Variants in SUMF1 observed in about 807,000 individuals in gnomAD.
SUMF1 encodes the protein formylglycine-generating enzyme.
A neutral mutation model predicts 47.6 loss-of-function variants in SUMF1; 48 were observed. The observed-to-expected ratio is 1.01, with a 90% CI of 0.80 to 1.28. The LOEUF is 1.28. Among genes scored for constraint, SUMF1 ranks in the 50% most tolerant of loss-of-function variants. The pLI, the probability that SUMF1 is intolerant of heterozygous loss-of-function variation, is 0.00. For synonymous variants in SUMF1, 230 were observed against 192.1 expected, an observed-to-expected ratio of 1.20 and a Z score of -1.63; for missense variants, 571 against 485.4, an observed-to-expected ratio of 1.18 and a Z score of -1.66.
rs868249273 is a variant in SUMF1 at position 4,303,729 on chromosome 3, G to A, written c.1014+72601C>T. 103 of 1,497,752 alleles carry A rather than the reference G, an allele frequency of 6.9e-5. 1 individual carries two copies. In the African/African-American group the frequency reaches 1.3e-3, roughly 19 times the overall value. 92.8% of individuals were successfully genotyped at this position (1,497,752 alleles called of 1,614,324 possible). A position where few individuals can be genotyped will look rare whatever the true frequency, so the allele number is the denominator to read the frequency against. On this transcript the variant is annotated intron_variant and NMD_transcript_variant, in intron 8 of 12. Transcript: ENST00000448413. ...ACGGCATCACCTTAGCAAGGGTGTT[G>A]TCCTTTTCAGTCCATTCCCTGAAGC...
chr3:4,426,695 G>A (rs1225451403), intron 3 of SUMF1, among the ~76,000 whole-genome samples: 2 of 152,238 alleles, frequency 1.3e-5, no homozygotes, highest in Non-Finnish European at 1.5e-5. Context: ...AGAAGCAGCA[G>A]CATGAGTGGA....
chr3:4,195,331 A>G (rs1695405178), intron 8 of SUMF1, among the ~76,000 whole-genome samples: 1 of 152,140 alleles, frequency 6.6e-6, no homozygotes, highest in Admixed American at 6.6e-5. Flanking sequence ...GTCATAACCA[A>G]TTCCTGTACA....
intron 8 of SUMF1, among the ~76,000 whole-genome samples, chr3:4,210,775 G>C (rs936876356): frequency 1.3e-5 from 2 of 152,040 alleles, no homozygotes; most frequent in Admixed American, 1.3e-4. Context: ...TATTGATCCT[G>C]AGTGTGTCTG....
Position 4,266,229 on chromosome 3 carries a change from G to A in SUMF1, c.1014+110101C>T, listed in dbSNP as rs546839464. Among the ~76,000 whole-genome samples, 83 of 152,218 alleles carry A rather than the reference G, an allele frequency of 5.5e-4. No individual in the cohort carries two copies. The South Asian group carries it at 6.8e-3, about 13-fold the overall frequency. ...GCCACACGGGCTCTTTTTTGGTTCCGTATGAACTTTAAAGTAGTTTTTTCC... is the reference window on the plus strand; with the variant it reads ...GCCACACGGGCTCTTTTTTGGTTCCATATGAACTTTAAAGTAGTTTTTTCC... On this transcript the variant is annotated intron_variant and NMD_transcript_variant, in intron 8 of 12. Coordinates refer to the SUMF1 transcript ENST00000448413.
chr3:4,456,825 T>C (rs2079642788), intron 1 of SUMF1, among the ~76,000 whole-genome samples: 1 of 150,074 alleles, frequency 6.7e-6, no homozygotes, highest in Admixed American at 6.7e-5. Flanking sequence ...TGTGTGTGTA[T>C]ATATACGTGT....
At chr3:4,463,171 G>A (rs987191521) in intron 1 of SUMF1, among the ~76,000 whole-genome samples, 33 of 152,200 alleles carry the variant, frequency 2.2e-4, no homozygotes, top group African/African-American at 7.2e-4. Context: ...TGCTTCCAAT[G>A]TAGAATATCA....
chr3:4,375,706 T>C (rs569551492), intron 8 of SUMF1, among the ~76,000 whole-genome samples: 1 of 152,014 alleles, frequency 6.6e-6, no homozygotes, highest in East Asian at 1.9e-4. Flanking sequence ...ACGTGAAAAA[T>C]ATATGACTCA....
chr3:4,138,300 C>T (rs1410276088), intron 8 of SUMF1, among the ~76,000 whole-genome samples: 1 of 152,112 alleles, frequency 6.6e-6, no homozygotes, highest in African/African-American at 2.4e-5. Flanking sequence ...AGAGGACTGA[C>T]CTTTCACCTC....
At chr3:4,163,148 C>T (rs1694617404) in intron 8 of SUMF1, among the ~76,000 whole-genome samples, 3 of 151,608 alleles carry the variant, frequency 2.0e-5, no homozygotes, top group South Asian at 2.1e-4. Context: ...TCTACTGCTA[C>T]ACCTAGGAAA....
chr3:4,269,078 A>G lies in SUMF1; in HGVS notation c.1014+107252T>C, dbSNP rs1167366889. ...GAACATACCTCTGGAAACACCACCC[A>G]GATCAGTGATGATCCTTGCCTCATA... is the stretch of plus-strand genomic sequence containing the variant. On this transcript the variant is annotated intron_variant and NMD_transcript_variant, in intron 8 of 12. Transcript: ENST00000448413. Among the ~76,000 whole-genome samples, 21 of 152,336 alleles carry G rather than the reference A, an allele frequency of 1.4e-4. 1 individual carries two copies. In the South Asian group the frequency reaches 4.1e-3, roughly 30 times the overall value.
At chr3:4,049,513 A>G (rs1695065570) in intron 9 of SUMF1, among the ~76,000 whole-genome samples, 1 of 152,154 alleles carries the variant, frequency 6.6e-6, no homozygotes, top group Non-Finnish European at 1.5e-5. Flanking sequence ...AACGTGAGAC[A>G]GGGATGTGAC....
intron 8 of SUMF1, among the ~76,000 whole-genome samples, chr3:4,190,445 C>A (rs1695290790): frequency 7.0e-6 from 1 of 143,296 alleles, no homozygotes; most frequent in Non-Finnish European, 1.5e-5. Context: ...GAACTTATCA[C>A]ATGGGGCATC....
At chr3:4,188,621 G>C (rs1695252421) in intron 8 of SUMF1, among the ~76,000 whole-genome samples, 2 of 152,126 alleles carry the variant, frequency 1.3e-5, no homozygotes, top group African/African-American at 2.4e-5. Flanking sequence ...GTGTAGCCTA[G>C]TGTCTAAGAG....
rs539045361 is a variant in SUMF1 at position 4,116,355 on chromosome 3, T to C, written c.1015-47610A>G. ...ATTCCCCGGGTTCTCCTCTCTTTAT[T>C]GCGCAGAATAAGCAATTTCCAGCTA... On this transcript the variant is annotated intron_variant and NMD_transcript_variant, in intron 8 of 12. Coordinates refer to the SUMF1 transcript ENST00000448413. Among the ~76,000 whole-genome samples the C allele has an allele frequency of 7.9e-4, 121 of 152,286 alleles. 2 individuals carry two copies. The highest frequency in any genetic ancestry group is 2.9e-3 in the African/African-American group (119 of 41,534).
At chr3:4,055,281 G>A (rs1695171210) in intron 9 of SUMF1, among the ~76,000 whole-genome samples, 1 of 152,042 alleles carries the variant, frequency 6.6e-6, no homozygotes, top group Non-Finnish European at 1.5e-5. Flanking sequence ...ACAAAATAAT[G>A]TTAGCTAGCC....
intron 6 of SUMF1, among the ~76,000 whole-genome samples, chr3:4,411,389 C>G (rs185306041): frequency 7.0e-4 from 106 of 152,300 alleles, no homozygotes; most frequent in African/African-American, 2.4e-3. Context: ...TTCCTGGCCA[C>G]ACAATGTCTT....
At chr3:4,340,105 G>GCGCA (rs1553559568) in intron 8 of SUMF1, among the ~76,000 whole-genome samples, 4 of 150,678 alleles carry the variant, frequency 2.7e-5, no homozygotes, top group South Asian at 4.2e-4. Context: ...GCACCAATGT[G>GCGCA]CACACACACA....
intron 8 of SUMF1, among the ~76,000 whole-genome samples, chr3:4,338,733 G>A (rs987689399): frequency 6.6e-6 from 1 of 152,028 alleles, no homozygotes; most frequent in Admixed American, 6.6e-5. Flanking sequence ...TATCTAGTAC[G>A]TAGAGTCTCA....
At chr3:4,373,277 A>T (rs932491933) in intron 8 of SUMF1, among the ~76,000 whole-genome samples, 2 of 152,176 alleles carry the variant, frequency 1.3e-5, no homozygotes, top group Non-Finnish European at 2.9e-5. Flanking sequence ...CAACCATATT[A>T]AAAACCACAT....
Sources: allele counts gnomAD v4.1 joint callset (sites outside exome capture counted in the v4.1 genomes callset), GRCh38; gene constraint gnomAD v4.1.1; transcripts MANE v1.5; gene names NCBI Gene and HGNC (gene_info 2026-07-23, HGNC 2026-07-21).